CA10: variants seen among roughly 807,000 people sequenced by gnomAD.
CA10 encodes carbonic anhydrase-related protein 10.
CA10 carries 14 observed loss-of-function variants against 44.2 expected under a neutral mutation model. The ratio of observed to expected loss-of-function variants is 0.32; its 90% CI spans 0.21 to 0.50. The LOEUF (loss-of-function observed/expected upper bound fraction) is 0.50, where lower values mean the gene tolerates loss of function less well. Ranked by LOEUF, CA10 falls within the 20% of genes least tolerant of loss-of-function variation. The pLI is 0.99. For synonymous variants in CA10, 159 were observed against 141.6 expected, an observed-to-expected ratio of 1.12 and a Z score of -0.87; for missense variants, 350 against 409.7, an observed-to-expected ratio of 0.85 and a Z score of 1.26.
Position 52,062,032 on chromosome 17 carries a change from G to A in CA10, c.136+10287C>T, listed in dbSNP as rs186514033. On this transcript the variant is annotated intron_variant, in intron 2 of 8. Transcript: ENST00000451037. ...AAACCTCATAAATTCACTATATGCCGCAAAGCAAAGCTTTCAAGAAGTGGT... is the reference window on the plus strand; with the variant it reads ...AAACCTCATAAATTCACTATATGCCACAAAGCAAAGCTTTCAAGAAGTGGT... Among the ~76,000 whole-genome samples the A allele has an allele frequency of 4.0e-4, 60 of 149,714 alleles. 1 individual carries two copies. Among genetic ancestry groups the A allele is most frequent in the East Asian group, 2.0e-3 (10 of 5,080 alleles).
At chr17:51,742,065 C>A (rs116548427) in intron 4 of CA10, among the ~76,000 whole-genome samples, 4 of 152,126 alleles carry the variant, frequency 2.6e-5, no homozygotes, top group Non-Finnish European at 4.4e-5. Flanking sequence ...GGTTTGTAAA[C>A]CCCTGTAATA....
chr17:51,759,358 CTGTGTGTGTG>C (rs5820879), intron 3 of CA10, among the ~76,000 whole-genome samples: 30 of 141,996 alleles, frequency 2.1e-4, no homozygotes, highest in South Asian at 4.6e-4. Context: ...CTTCTTTGCT[CTGTGTGTGTG>C]TGTGTGTGTG....
Position 52,061,396 on chromosome 17 carries a change from C to T in CA10, c.136+10923G>A, listed in dbSNP as rs564279295. 8.5e-5 allele frequency among the ~76,000 whole-genome samples: 13 copies of T among 152,214 alleles called. No homozygotes were observed. The East Asian group carries it at 2.3e-3, about 27-fold the overall frequency. Reference sequence around the variant, plus strand: ...CTCAGAGCCTCCATAATGCAGGCTGCCCTAGTGACACCTTGATTTTAGTGT... The same window carrying T: ...CTCAGAGCCTCCATAATGCAGGCTGTCCTAGTGACACCTTGATTTTAGTGT... On this transcript the variant is annotated intron_variant, in intron 2 of 8. Coordinates refer to ENST00000451037, the MANE Select transcript of CA10 (RefSeq NM_020178.5).
chr17:51,803,456 C>T (rs1335965139), intron 3 of CA10, among the ~76,000 whole-genome samples: 1 of 152,210 alleles, frequency 6.6e-6, no homozygotes, highest in Non-Finnish European at 1.5e-5. Context: ...CCCGGCTTCT[C>T]AGTCTCTCTC....
At chr17:52,088,427 G>A (rs1988176376) in intron 1 of CA10, among the ~76,000 whole-genome samples, 1 of 152,152 alleles carries the variant, frequency 6.6e-6, no homozygotes, top group African/African-American at 2.4e-5. Flanking sequence ...CTCTAGAGGA[G>A]TATGTGCACC....
chr17:51,631,292 T>C lies in CA10; in HGVS notation c.*292A>G, dbSNP rs1026887979. ...CTCTTATGAATGAGACTTTTGTTTC[T>C]GAAACTTGACTTCCCATGATGGAGG... On this transcript the variant is annotated 3_prime_UTR_variant, in exon 9 of 9. Coordinates refer to ENST00000451037, the MANE Select transcript of CA10 (RefSeq NM_020178.5). 16 of 370,476 alleles carry C rather than the reference T, an allele frequency of 4.3e-5. No individual in the cohort carries two copies. The highest frequency in any genetic ancestry group is 1.3e-4 in the Admixed American group (3 of 22,860). The allele number at this position is 370,476 out of a possible 1,614,324, so 22.9% of individuals were successfully genotyped here.
At chr17:52,105,389 G>A (rs1988638207) in intron 1 of CA10, among the ~76,000 whole-genome samples, 1 of 152,082 alleles carries the variant, frequency 6.6e-6, no homozygotes. Flanking sequence ...CGAATAGCTG[G>A]GACTACAGGC....
At chr17:51,916,035 A>G (rs1220680866) in intron 3 of CA10, among the ~76,000 whole-genome samples, 1 of 152,088 alleles carries the variant, frequency 6.6e-6, no homozygotes, top group African/African-American at 2.4e-5. Flanking sequence ...TGTAGAATAA[A>G]GATCACATAC....
intron 4 of CA10, among the ~76,000 whole-genome samples, chr17:51,722,154 G>A (rs1358821404): frequency 1.3e-5 from 2 of 152,218 alleles, no homozygotes; most frequent in South Asian, 2.1e-4. Flanking sequence ...TTGGAGAACT[G>A]GAGAATTTGC....
At chr17:52,127,447 G>A (rs1456832978) in intron 1 of CA10, among the ~76,000 whole-genome samples, 1 of 152,122 alleles carries the variant, frequency 6.6e-6, no homozygotes, top group Non-Finnish European at 1.5e-5. Context: ...TACACTGAGA[G>A]GTATAATTGT....
chr17:52,159,552 T>C (rs1403519168), upstream of CA10: 1 of 152,344 alleles, frequency 6.6e-6, no homozygotes, highest in Non-Finnish European at 1.5e-5. Flanking sequence ...CAGGATACTT[T>C]CCGCCAACGA....
chr17:51,699,146 C>T (rs1217315272), intron 4 of CA10, among the ~76,000 whole-genome samples: 1 of 151,858 alleles, frequency 6.6e-6, no homozygotes, highest in Non-Finnish European at 1.5e-5. Flanking sequence ...CATGGTGAAA[C>T]CCCGTCTCTA....
chr17:51,738,413 G>A (rs9915772), intron 4 of CA10, among the ~76,000 whole-genome samples: 2,224 of 152,208 alleles, frequency 0.015, 62 homozygotes, highest in African/African-American at 0.05. Flanking sequence ...GAATGTGGGC[G>A]GGGGAGATTT....
intron 2 of CA10, among the ~76,000 whole-genome samples, chr17:51,988,720 T>C (rs543020117): frequency 5.9e-5 from 9 of 152,142 alleles, no homozygotes; most frequent in Non-Finnish European, 1.3e-4. Context: ...ACACATATTA[T>C]AGGGAAATCT....
intron 2 of CA10, among the ~76,000 whole-genome samples, chr17:52,001,031 C>G (rs1425269005): frequency 6.6e-6 from 1 of 151,910 alleles, no homozygotes; most frequent in Non-Finnish European, 1.5e-5. Context: ...TGATACCATG[C>G]CTGACATGTA....
At chr17:52,087,605 C>T (rs1413012432) in intron 1 of CA10, among the ~76,000 whole-genome samples, 1 of 152,184 alleles carries the variant, frequency 6.6e-6, no homozygotes, top group Non-Finnish European at 1.5e-5. Flanking sequence ...ATGCTGTCTT[C>T]AATTCTGTTC....
rs768794559 is a variant in CA10, at chr17:52,072,369, T to C, written c.86A>G (p.His29Arg). The C allele has an allele frequency of 5.6e-5, 91 of 1,613,350 alleles. No individual in the cohort carries two copies. The highest frequency in any genetic ancestry group is 2.6e-5 in the Non-Finnish European group (31 of 1,179,524). Residue 29 changes from histidine to arginine, a missense_variant, in exon 2 of 9, where the codon CAT (histidine) becomes CGT (arginine). Physicochemically the swap from His to Arg is conservative, Grantham distance 29 (BLOSUM62 0). Coordinates refer to ENST00000451037, the MANE Select transcript of CA10 (RefSeq NM_020178.5). ...CTCCTTGTATGCCCACCAGCCTTCATGGATTTTTGGTGAATTCTGTTGAGC... is the reference window on the plus strand; with the variant it reads ...CTCCTTGTATGCCCACCAGCCTTCACGGATTTTTGGTGAATTCTGTTGAGC... Reference protein sequence around the residue: ...ISAQQNSPKIHEGWWAYKEVV... With the variant: ...ISAQQNSPKIREGWWAYKEVV...
intron 3 of CA10, among the ~76,000 whole-genome samples, chr17:51,840,266 C>T (rs932824804): frequency 3.3e-5 from 5 of 152,122 alleles, no homozygotes; most frequent in Admixed American, 3.3e-4. Flanking sequence ...GATAGGGTTT[C>T]ACACTCAGGC....
intron 2 of CA10, among the ~76,000 whole-genome samples, chr17:51,963,506 G>A (rs1035385585): frequency 6.6e-6 from 1 of 152,086 alleles, no homozygotes; most frequent in Non-Finnish European, 1.5e-5. Flanking sequence ...AAATCTCAGA[G>A]GTAGCTAGAG....
Sources: gnomAD v4.1 joint callset for allele counts (sites outside exome capture counted in the v4.1 genomes callset) on GRCh38, gnomAD v4.1.1 for gene constraint, MANE v1.5 for transcripts, NCBI Gene and HGNC (gene_info 2026-07-23, HGNC 2026-07-21) for gene names.